HS3ST3B1: variants seen among roughly 807,000 people sequenced by gnomAD.
HS3ST3B1 encodes the protein heparan sulfate glucosamine 3-O-sulfotransferase 3B1.
In HS3ST3B1, 13 loss-of-function variants were observed where a neutral mutation model predicts 21.3. That is an observed-to-expected ratio of 0.61 (90% CI 0.40 to 0.97). HS3ST3B1 has a LOEUF of 0.97. Ranked by LOEUF, HS3ST3B1 falls within the 50% of genes least tolerant of loss-of-function variation. The pLI, the probability that HS3ST3B1 is intolerant of heterozygous loss-of-function variation, is 0.00. For synonymous variants in HS3ST3B1, 234 were observed against 254.8 expected (o/e 0.92, Z 0.78); for missense variants, 459 against 554.8 (o/e 0.83, Z 1.73).
At chr17:14,328,476 AG>A (rs1909885398) in intron 1 of HS3ST3B1, 1 of 152,208 alleles carries the variant, frequency 6.6e-6, no homozygotes, top group African/African-American at 2.4e-5. Context: ...CCCCTAGGGA[AG>A]GGGGTGTGGA....
chr17:14,327,650 A>G lies in HS3ST3B1; in HGVS notation c.555-17378A>G, dbSNP rs1163358005. 3 of 152,262 alleles carry G rather than the reference A, an allele frequency of 2.0e-5. No homozygotes were observed. The East Asian group carries it at 5.8e-4, about 29-fold the overall frequency. The allele number at this position is 152,262 out of a possible 1,614,324, so 9.4% of individuals were successfully genotyped here. A position where few individuals can be genotyped will look rare whatever the true frequency, so the allele number is the denominator to read the frequency against. ...CTGGCCCCACCTGTTTATTATTCCA[A>G]GTTGCCCTTGATTCACCCCTGAGTT... is the stretch of plus-strand genomic sequence containing the variant. On this transcript the variant is annotated intron_variant, in intron 1 of 1. Coordinates refer to ENST00000360954, the MANE Select transcript of HS3ST3B1 (RefSeq NM_006041.3).
chr17:14,326,130 TAGA>T (rs879422113), intron 1 of HS3ST3B1, among the ~76,000 whole-genome samples: 25 of 152,148 alleles, frequency 1.6e-4, no homozygotes, highest in Admixed American at 5.2e-4. Flanking sequence ...AGAAATATAT[TAGA>T]AGAAGGAGGT....
Position 14,346,072 on chromosome 17 carries a change from C to T in HS3ST3B1, c.*426C>T, listed in dbSNP as rs1159968368. ...ACCTCGTAGGAACGCTGAGCTGCCT[C>T]AACAGGGCTGTATTCTGAAGGGCAG... is the stretch of plus-strand genomic sequence containing the variant. On this transcript the variant is annotated 3_prime_UTR_variant, in exon 2 of 2. Transcript: ENST00000360954. The T allele has an allele frequency of 5.6e-6, 1 of 179,242 alleles. No homozygotes were observed. Among genetic ancestry groups the T allele is most frequent in the Non-Finnish European group, 1.2e-5 (1 of 84,866 alleles). 11.1% of individuals were successfully genotyped at this position (179,242 alleles called of 1,614,324 possible). A position where few individuals can be genotyped will look rare whatever the true frequency, so the allele number is the denominator to read the frequency against.
intron 1 of HS3ST3B1, among the ~76,000 whole-genome samples, chr17:14,308,260 TAATA>T (rs1279242429): frequency 6.6e-6 from 1 of 152,218 alleles, no homozygotes; most frequent in East Asian, 1.9e-4. Flanking sequence ...AATAAAATGA[TAATA>T]AATAATTTTT....
chr17:14,301,852 G>A lies in HS3ST3B1; in HGVS notation c.334G>A (p.Glu112Lys), dbSNP rs1415557325. 2 of 1,596,376 alleles carry A rather than the reference G, an allele frequency of 1.3e-6. No individual in the cohort carries two copies. Among genetic ancestry groups the A allele is most frequent in the Non-Finnish European group, 1.7e-6 (2 of 1,172,822 alleles). The stretch of plus-strand genomic sequence containing the variant: ...GATGGCCGAGGGCGCTGCGAGCCCG[G>A]AGGAGCAGAGTCCCGAGGTGCCGGA... ...KEMAEGAASP[E>K]EQSPEVPDSP... The change falls in exon 1 of 2, where the codon GAG (glutamate) becomes AAG (lysine). Residue 112 changes from glutamate to lysine, a missense_variant. By Grantham distance (56) the Glu-to-Lys change is moderately conservative. Coordinates refer to ENST00000360954, the MANE Select transcript of HS3ST3B1 (RefSeq NM_006041.3).
chr17:14,329,850 T>C (rs984496496), intron 1 of HS3ST3B1, among the ~76,000 whole-genome samples: 1 of 152,204 alleles, frequency 6.6e-6, no homozygotes, highest in African/African-American at 2.4e-5. Context: ...TAACAGCATT[T>C]CTCTCATCCA....
chr17:14,314,269 C>T (rs1169844577), intron 1 of HS3ST3B1, among the ~76,000 whole-genome samples: 1 of 152,166 alleles, frequency 6.6e-6, no homozygotes, highest in African/African-American at 2.4e-5. Flanking sequence ...ATGAGCCACC[C>T]TGCCTGGCCT....
At chr17:14,332,201 AG>A (rs1910035069) in intron 1 of HS3ST3B1, among the ~76,000 whole-genome samples, 1 of 152,170 alleles carries the variant, frequency 6.6e-6, no homozygotes, top group Non-Finnish European at 1.5e-5. Context: ...GAAAGAGCCC[AG>A]GCTGTTTTTG....
At chr17:14,328,156 T>A (rs547186564) in intron 1 of HS3ST3B1, 1 of 152,330 alleles carries the variant, frequency 6.6e-6, no homozygotes, top group South Asian at 2.1e-4. Context: ...CAACATCATC[T>A]ATCAAAAAGT....
At chr17:14,313,124 G>GTGTGTGTATATATATATATATATA (rs1909380909) in intron 1 of HS3ST3B1, among the ~76,000 whole-genome samples, 9 of 128,796 alleles carry the variant, frequency 7.0e-5, no homozygotes, top group East Asian at 2.6e-4. Context: ...ATATATATAT[G>GTGTGTGTATATATATATATATATA]TGTGTGTGTG....
chr17:14,311,631 C>T (rs1909307742), intron 1 of HS3ST3B1, among the ~76,000 whole-genome samples: 1 of 152,178 alleles, frequency 6.6e-6, no homozygotes, highest in Non-Finnish European at 1.5e-5. Flanking sequence ...ACCTGTATCC[C>T]ACATTATAGT....
In HS3ST3B1 at chr17:14,345,622, C is replaced by A; in HGVS notation, c.1149C>A (p.Thr383=). The A allele has an allele frequency of 6.2e-7, 1 of 1,613,472 alleles. No homozygotes were observed. ...TCAACCTCAAGTTCTACCAGATGAC[C>A]GGGCACGACTTTGGCTGGGATTGAG... ...RPFNLKFYQM[T]GHDFGWD The change falls in exon 2 of 2, where the codon ACC becomes ACA. Residue 383 remains threonine (T), a synonymous_variant. Coordinates refer to ENST00000360954, the MANE Select transcript of HS3ST3B1 (RefSeq NM_006041.3).
In HS3ST3B1 at chr17:14,346,037, C is replaced by T; in HGVS notation, c.*391C>T. On this transcript the variant is annotated 3_prime_UTR_variant, in exon 2 of 2. Transcript: ENST00000360954. ...CCCATTCCAGCTTCCCTGTCTCTTC[C>T]TGCCTGTGTACCTCGTAGGAACGCT... 5.0e-6 allele frequency: 1 copy of T among 198,720 alleles called. No individual in the cohort carries two copies. The highest frequency in any genetic ancestry group is 1.0e-5 in the Non-Finnish European group (1 of 97,610). The allele number at this position is 198,720 out of a possible 1,614,324, so 12.3% of individuals were successfully genotyped here.
chr17:14,337,494 AT>A (rs5819471), intron 1 of HS3ST3B1, among the ~76,000 whole-genome samples: 621 of 140,762 alleles, frequency 4.4e-3, no homozygotes, highest in Admixed American at 8.6e-3. Flanking sequence ...TGCCTGGCTA[AT>A]TTTTTTTTTT....
intron 1 of HS3ST3B1, among the ~76,000 whole-genome samples, chr17:14,314,919 T>C (rs1909450485): frequency 6.6e-6 from 1 of 152,230 alleles, no homozygotes. Flanking sequence ...GGGCAGGAGC[T>C]TTTATCTATT....
chr17:14,328,622 G>A (rs926380812), intron 1 of HS3ST3B1: 6 of 152,222 alleles, frequency 3.9e-5, no homozygotes, highest in Admixed American at 2.0e-4. Context: ...ACAAGAAGGA[G>A]TGTGAGATGA....
At chr17:14,330,326 T>A (rs942343628) in intron 1 of HS3ST3B1, among the ~76,000 whole-genome samples, 2 of 152,038 alleles carry the variant, frequency 1.3e-5, no homozygotes, top group Non-Finnish European at 2.9e-5. Flanking sequence ...GGAGAAAGGG[T>A]GGTTATAATA....
chr17:14,345,712 A>G lies in HS3ST3B1; in HGVS notation c.*66A>G. 6.6e-7 allele frequency: 1 copy of G among 1,516,448 alleles called. No individual in the cohort carries two copies. The highest frequency in any genetic ancestry group is 8.8e-7 in the Non-Finnish European group (1 of 1,130,540). The allele number at this position is 1,516,448 out of a possible 1,614,324, so 93.9% of individuals were successfully genotyped here. The stretch of plus-strand genomic sequence containing the variant: ...TTGACAGAGATTATATGTATGTAAA[A>G]TGTACAGAAATCTATTTTATAATAA... On this transcript the variant is annotated 3_prime_UTR_variant, in exon 2 of 2. Coordinates refer to ENST00000360954, the MANE Select transcript of HS3ST3B1 (RefSeq NM_006041.3).
At chr17:14,317,366 A>G (rs753933042) in intron 1 of HS3ST3B1, among the ~76,000 whole-genome samples, 1 of 152,316 alleles carries the variant, frequency 6.6e-6, no homozygotes, top group Admixed American at 6.5e-5. Flanking sequence ...AACTCCTAGA[A>G]TGGGTCAGGT....
Sources: allele counts gnomAD v4.1 joint callset (sites outside exome capture counted in the v4.1 genomes callset), GRCh38; gene constraint gnomAD v4.1.1; transcripts MANE v1.5; gene names NCBI Gene and HGNC (gene_info 2026-07-23, HGNC 2026-07-21).